KCNA3: variants seen among roughly 807,000 people sequenced by gnomAD.
The protein encoded by KCNA3 is RP11-284N8.3.
KCNA3 carries 18 observed loss-of-function variants against 34.3 expected under a neutral mutation model. The ratio of observed to expected loss-of-function variants is 0.52; its 90% CI spans 0.36 to 0.78. The LOEUF (loss-of-function observed/expected upper bound fraction) is 0.78. Ranked by LOEUF, KCNA3 falls within the 30% of genes least tolerant of loss-of-function variation. The pLI, the probability that KCNA3 is intolerant of heterozygous loss-of-function variation, is 0.00. For synonymous variants in KCNA3, 324 were observed against 351.7 expected (o/e 0.92, Z 0.88); for missense variants, 587 against 802.5 (o/e 0.73, Z 3.24).
chr1:110,668,684 TAAAAC>T (rs899709710), downstream of KCNA3, among the ~76,000 whole-genome samples: 13 of 152,112 alleles, frequency 8.5e-5, no homozygotes, highest in Admixed American at 4.6e-4. Flanking sequence ...ATAAAAGAAA[TAAAAC>T]AATAACAATG....
chr1:110,663,314 G>C, the KCNA3 span, among the ~76,000 whole-genome samples: 1 of 152,102 alleles, frequency 6.6e-6, no homozygotes, highest in African/African-American at 2.4e-5. Flanking sequence ...TCTCAGAAGA[G>C]AAAAATGATC....
chr1:110,670,787 A>G (rs1651859334), downstream of KCNA3, among the ~76,000 whole-genome samples: 1 of 152,134 alleles, frequency 6.6e-6, no homozygotes, highest in African/African-American at 2.4e-5. Flanking sequence ...TCTTGCCTCT[A>G]TTTGTTTGGT....
At chr1:110,668,955 T>G (rs914185467), downstream of KCNA3, among the ~76,000 whole-genome samples, 4 of 152,224 alleles carry the variant, frequency 2.6e-5, no homozygotes, top group Non-Finnish European at 5.9e-5. Context: ...TCATTATCCA[T>G]TTTCATTTCA....
At chr1:110,668,491 A>G (rs1181320136), downstream of KCNA3, among the ~76,000 whole-genome samples, 3 of 152,192 alleles carry the variant, frequency 2.0e-5, no homozygotes, top group Admixed American at 1.3e-4. Flanking sequence ...TACGCCAAAA[A>G]GGTAAATAAC....
Position 110,673,640 on chromosome 1 carries a change from C to T in KCNA3, c.1170G>A (p.Thr390=), listed in dbSNP as rs776327259. Residue 390 remains threonine, a synonymous_variant, in exon 1 of 1, where the codon ACG becomes ACA. Transcript: ENST00000369769. The surrounding 1 kb of genome is among the most constrained non-coding windows in gnomAD (Gnocchi z 8.8). ...CCAGCTCCCGCATGGACGCCTTCAG[C>T]GTTTGCCCGAGGATCTGCAGCCCCT... ...HSKGLQILGQ[T]LKASMRELGL... 6.8e-6 allele frequency: 11 copies of T among 1,614,190 alleles called. No individual in the cohort carries two copies. The highest frequency in any genetic ancestry group is 1.7e-5 in the Admixed American group (1 of 60,030).
the KCNA3 span, among the ~76,000 whole-genome samples, chr1:110,666,609 T>C: frequency 1.4e-4 from 21 of 152,232 alleles, no homozygotes; most frequent in African/African-American, 4.8e-4. Flanking sequence ...TATAATCGGA[T>C]TTTGGTCTCA....
Position 110,673,968 on chromosome 1 carries a change from G to A in KCNA3, c.842C>T (p.Thr281Met). 2 of 1,613,928 alleles carry A rather than the reference G, an allele frequency of 1.2e-6. No individual in the cohort carries two copies. Among genetic ancestry groups the A allele is most frequent in the Non-Finnish European group, 1.7e-6 (2 of 1,180,006 alleles). Residue 281 changes from threonine (T) to methionine (M), a missense_variant, in exon 1 of 1, where the codon ACG becomes ATG. Thr to Met is a moderately conservative substitution (Grantham distance 81). Around this residue, in one of 7 missense-constraint regions of KCNA3, gnomAD observed 50 missense variants for 45.3 expected, o/e 1.10. Transcript: ENST00000369769. This position sits in a 1 kb window ranked among gnomAD's most constrained non-coding sequence, Gnocchi z 8.8. The stretch of plus-strand genomic sequence containing the variant: ...GGAGGCTCCTGCGCGGGACCCCGAC[G>A]TGCTGTTGCCGGCTGCTTCGAATGA... ...QDSFEAAGNS[T>M]SGSRAGASSF...
rs757254732 is a variant in KCNA3, at chr1:110,674,719, C to T, written c.91G>A (p.Gly31Ser). 4 of 1,453,658 alleles carry T rather than the reference C, an allele frequency of 2.8e-6. No homozygotes were observed. In the South Asian group the frequency reaches 4.3e-5, roughly 16 times the overall value. 90.0% of individuals were successfully genotyped at this position (1,453,658 alleles called of 1,614,324 possible). A position where few individuals can be genotyped will look rare whatever the true frequency, so the allele number is the denominator to read the frequency against. Residue 31 changes from glycine to serine, a missense_variant, in exon 1 of 1, where the codon GGT becomes AGT. Gly to Ser is a moderately conservative substitution (Grantham distance 56). Transcript: ENST00000369769. The surrounding 1 kb of genome is among the most constrained non-coding windows in gnomAD (Gnocchi z 6.4). Reference protein sequence around the residue: ...HPPQRPASSGGAHTLVNHGYA... With the variant: ...HPPQRPASSGSAHTLVNHGYA... The stretch of plus-strand genomic sequence containing the variant: ...CCGTGGTTCACCAGCGTGTGGGCAC[C>T]GCCGCTGCTCGCTGGGCGCTGAGGA...
chr1:110,655,658 T>C, the KCNA3 span: 40 of 152,306 alleles, frequency 2.6e-4, no homozygotes, highest in African/African-American at 9.4e-4. Flanking sequence ...AGTCAAAATA[T>C]ACATTTCCTT....
the KCNA3 span, chr1:110,655,288 T>A: frequency 6.6e-6 from 1 of 152,092 alleles, no homozygotes; most frequent in Admixed American, 6.5e-5. Flanking sequence ...TGGCTTATAG[T>A]CATACAATTT....
At position 110,674,111 on chromosome 1, in the gene KCNA3, G is replaced by A. The variant is rs148697550; in HGVS notation, c.699C>T (p.Ala233=). 25 of 1,611,246 alleles carry A rather than the reference G, an allele frequency of 1.6e-5. No individual in the cohort carries two copies. In the African/African-American group the frequency reaches 2.8e-4, roughly 18 times the overall value. ...LFEYPESSGP[A]RGIAIVSVLV... is the part of the protein sequence containing the mutation. ...GCACGGACACGATGGCGATGCCCCG[G>A]GCCGGCCCGGAGCTCTCGGGGTACT... The change falls in exon 1 of 1, where the codon GCC becomes GCT. Residue 233 remains alanine (A), a synonymous_variant. Transcript: ENST00000369769. The surrounding 1 kb of genome is among the most constrained non-coding windows in gnomAD (Gnocchi z 6.4).
the KCNA3 span, among the ~76,000 whole-genome samples, chr1:110,659,251 A>C: frequency 1.3e-5 from 2 of 151,388 alleles, no homozygotes; most frequent in Admixed American, 1.3e-4. Flanking sequence ...TGCAGCACTG[A>C]TTATAGTTTT....
chr1:110,674,516 C>G lies in KCNA3; in HGVS notation c.294G>C (p.Glu98Asp), dbSNP rs115821486. Residue 98 changes from glutamate to aspartate, a missense_variant, in exon 1 of 1, where the codon GAG becomes GAC. By Grantham distance (45) the Glu-to-Asp change is conservative. Coordinates refer to ENST00000369769, the MANE Select transcript of KCNA3 (RefSeq NM_002232.5). The surrounding 1 kb of genome is among the most constrained non-coding windows in gnomAD (Gnocchi z 6.4). ...CCACGCGCTCCCCGCAGCAGTCCTG[C>G]TCGCCCGCGGCCGGCAGTGAGGGCG... ...PLPPSLPAAGEQDCCGERVVI... is the reference protein window; with the variant it reads ...PLPPSLPAAGDQDCCGERVVI... The G allele has an allele frequency of 3.3e-4, 524 of 1,611,894 alleles. 3 individuals are homozygous for G. The African/African-American group carries it at 6.4e-3, about 20-fold the overall frequency.
Position 110,672,897 on chromosome 1 carries a change from C to A in KCNA3, c.*185G>T, listed in dbSNP as rs946834978. ...AAAGGAGAGCTGAGAGAATGCAGCC[C>A]ACTTGCAAAACAGGCACCTGTTTCA... On this transcript the variant is annotated 3_prime_UTR_variant, in exon 1 of 1. Transcript: ENST00000369769. 1.7e-6 allele frequency: 1 copy of A among 600,690 alleles called. No individual in the cohort carries two copies. The highest frequency in any genetic ancestry group is 2.9e-6 in the Non-Finnish European group (1 of 345,722). 37.2% of individuals were successfully genotyped at this position (600,690 alleles called of 1,614,324 possible).
chr1:110,673,921 C>T lies in KCNA3; in HGVS notation c.889G>A (p.Val297Met), dbSNP rs370786888. ...GASSFSDPFF[V>M]VETLCIIWFS... is the part of the protein sequence containing the mutation. Reference sequence around the variant, plus strand: ...CAGATGATGCACAGCGTCTCCACCACGAAGAAGGGATCGGAGAAGCTGGAG... The same window carrying T: ...CAGATGATGCACAGCGTCTCCACCATGAAGAAGGGATCGGAGAAGCTGGAG... The change falls in exon 1 of 1, where the codon GTG becomes ATG. Residue 297 changes from valine to methionine, a missense_variant. Coordinates refer to ENST00000369769, the MANE Select transcript of KCNA3 (RefSeq NM_002232.5). The surrounding 1 kb of genome is among the most constrained non-coding windows in gnomAD (Gnocchi z 8.8). The T allele has an allele frequency of 6.2e-6, 10 of 1,613,992 alleles. No homozygotes were observed. Among genetic ancestry groups the T allele is most frequent in the Middle Eastern group, 3.3e-4 (2 of 6,084 alleles).
At chr1:110,665,766 G>C in the KCNA3 span, among the ~76,000 whole-genome samples, 1 of 152,216 alleles carries the variant, frequency 6.6e-6, no homozygotes, top group African/African-American at 2.4e-5. Flanking sequence ...AATCCACAGT[G>C]TGGTATCTTG....
At chr1:110,655,965 G>A in the KCNA3 span, 1 of 151,980 alleles carries the variant, frequency 6.6e-6, no homozygotes. Context: ...CCTGAATTTT[G>A]TTTCTCACTC....
Position 110,673,941 on chromosome 1 carries a change from C to G in KCNA3, c.869G>C (p.Ser290Thr), listed in dbSNP as rs1279232807. ...CACCACGAAGAAGGGATCGGAGAAG[C>G]TGGAGGCTCCTGCGCGGGACCCCGA... ...STSGSRAGAS[S>T]FSDPFFVVET... Residue 290 changes from serine (S) to threonine (T), a missense_variant, in exon 1 of 1, where the codon AGC becomes ACC. Ser to Thr is a moderately conservative substitution (Grantham distance 58, BLOSUM62 1). Transcript: ENST00000369769. This position sits in a 1 kb window ranked among gnomAD's most constrained non-coding sequence, Gnocchi z 8.8. The G allele has an allele frequency of 6.2e-7, 1 of 1,613,924 alleles. No homozygotes were observed. Among genetic ancestry groups the G allele is most frequent in the Non-Finnish European group, 8.5e-7 (1 of 1,180,002 alleles).
chr1:110,671,477 T>C (rs1651888916), downstream of KCNA3, among the ~76,000 whole-genome samples: 1 of 152,246 alleles, frequency 6.6e-6, no homozygotes, highest in Non-Finnish European at 1.5e-5. Context: ...AGTGCTCACC[T>C]GATTCTGTCT....
Sources: allele counts gnomAD v4.1 joint callset (sites outside exome capture counted in the v4.1 genomes callset), GRCh38; gene constraint gnomAD v4.1.1; regional missense constraint gnomAD v4.1.1; non-coding constraint Gnocchi (gnomAD v3.1); transcripts MANE v1.5; gene names NCBI Gene and HGNC (gene_info 2026-07-23, HGNC 2026-07-21).